Variants in FRMPD4 observed in about 807,000 individuals in gnomAD.
FRMPD4 encodes FERM and PDZ domain containing 4, also known as FERM and PDZ domain-containing protein 4.
A neutral mutation model predicts 94.1 loss-of-function variants in FRMPD4; 22 were observed. The ratio of observed to expected loss-of-function variants is 0.23; its 90% CI spans 0.17 to 0.33. The LOEUF (loss-of-function observed/expected upper bound fraction) is 0.33. Ranked by LOEUF, FRMPD4 falls within the 10% of genes least tolerant of loss-of-function variation. FRMPD4 has a pLI of 1.00. For missense variants in FRMPD4, 1,111 were observed against 1,339.9 expected (o/e 0.83, Z 2.67); for synonymous variants, 631 against 548.6 (o/e 1.15, Z -2.10).
intron 1 of FRMPD4, among the ~76,000 whole-genome samples, chrX:12,271,914 T>C (rs1385449908): frequency 1.8e-5 from 2 of 111,905 alleles, no homozygotes; most frequent in Admixed American, 1.9e-4. Flanking sequence ...CTCCCACTGA[T>C]ATAGATGTTA....
At chrX:12,225,737 A>T (rs2056915305) in intron 1 of FRMPD4, among the ~76,000 whole-genome samples, 1 of 112,170 alleles carries the variant, frequency 8.9e-6, no homozygotes, top group Non-Finnish European at 1.9e-5. Context: ...CCTGAAGGCA[A>T]TTGGCCAAGG....
intron 2 of FRMPD4, among the ~76,000 whole-genome samples, chrX:12,601,840 G>A (rs1006163111): frequency 2.7e-5 from 3 of 111,191 alleles, no homozygotes; most frequent in African/African-American, 9.8e-5. Flanking sequence ...GTGCCTTGCC[G>A]GGCATCCCAC....
chrX:12,152,646 C>T (rs770187202), intron 1 of FRMPD4, among the ~76,000 whole-genome samples: 1 of 110,596 alleles, frequency 9.0e-6, no homozygotes, highest in African/African-American at 3.3e-5. Context: ...ATGAATGAAA[C>T]ATAAGAGATA....
intron 1 of FRMPD4, among the ~76,000 whole-genome samples, chrX:12,193,773 AG>A (rs769234695): frequency 0.22 from 5,152 of 23,767 alleles, 947 homozygotes; most frequent in African/African-American, 0.33. Flanking sequence ...AAAGAAAGAA[AG>A]GAAGGAAGGA....
At chrX:12,008,007 A>G (rs1206111193) in intron 3 of FRMPD4, among the ~76,000 whole-genome samples, 1 of 111,914 alleles carries the variant, frequency 8.9e-6, no homozygotes, top group Non-Finnish European at 1.9e-5. Flanking sequence ...AAGAGGAAAC[A>G]GGAAATGGGC....
intron 1 of FRMPD4, among the ~76,000 whole-genome samples, chrX:12,193,969 C>T (rs1239883006): frequency 2.8e-5 from 3 of 108,507 alleles, no homozygotes; most frequent in Non-Finnish European, 5.7e-5. Context: ...TTGTACAGTA[C>T]CTGCCTGAAG....
intron 1 of FRMPD4, among the ~76,000 whole-genome samples, chrX:11,849,458 A>G (rs775648845): frequency 8.1e-5 from 9 of 111,454 alleles, no homozygotes; most frequent in African/African-American, 2.6e-4. Flanking sequence ...AGCCCAAATA[A>G]CCAAAACAGT....
chrX:12,227,824 G>GGAGA (rs750580451), intron 1 of FRMPD4, among the ~76,000 whole-genome samples: 2,141 of 94,558 alleles, frequency 0.023, 32 homozygotes, highest in Non-Finnish European at 0.037. Flanking sequence ...AGAAAGAGAG[G>GGAGA]GAGAGAGAGA....
intron 1 of FRMPD4, among the ~76,000 whole-genome samples, chrX:12,443,082 G>C (rs1225445113): frequency 1.8e-5 from 2 of 111,251 alleles, no homozygotes; most frequent in Non-Finnish European, 3.8e-5. Flanking sequence ...GCTGCAGGGA[G>C]GGGAGAATAG....
chrX:12,320,184 A>G (rs896181472), intron 1 of FRMPD4, among the ~76,000 whole-genome samples: 1 of 111,929 alleles, frequency 8.9e-6, no homozygotes, highest in African/African-American at 3.3e-5. Flanking sequence ...ATCCTATAAA[A>G]TGACTTTTGA....
chrX:11,831,513 T>C (rs975462952), intron 1 of FRMPD4, among the ~76,000 whole-genome samples: 14 of 112,055 alleles, frequency 1.2e-4, no homozygotes, highest in Non-Finnish European at 2.4e-4. Context: ...TTAGTATCTG[T>C]GACCTAGTTA....
chrX:12,185,388 A>C (rs1305231985), intron 1 of FRMPD4, among the ~76,000 whole-genome samples: 2 of 111,522 alleles, frequency 1.8e-5, no homozygotes, highest in African/African-American at 3.3e-5. Context: ...CCGCACCCAC[A>C]GAATCAGAAT....
intron 1 of FRMPD4, among the ~76,000 whole-genome samples, chrX:12,229,046 A>G (rs2056954892): frequency 1.8e-5 from 2 of 112,340 alleles, no homozygotes; most frequent in Admixed American, 1.9e-4. Flanking sequence ...TTTATACGTG[A>G]AAGCTTCTCC....
At chrX:12,030,100 G>T (rs2054682904) in intron 3 of FRMPD4, among the ~76,000 whole-genome samples, 1 of 111,901 alleles carries the variant, frequency 8.9e-6, no homozygotes, top group South Asian at 3.7e-4. Context: ...TTATGCTATT[G>T]TGGTAACGCT....
intron 1 of FRMPD4, among the ~76,000 whole-genome samples, chrX:12,373,961 T>C (rs2056197615): frequency 8.9e-6 from 1 of 112,022 alleles, no homozygotes; most frequent in South Asian, 3.7e-4. Context: ...GTTGCAGAAG[T>C]AGCTTGACCT....
chrX:12,529,099 G>A (rs890666303), intron 2 of FRMPD4, among the ~76,000 whole-genome samples: 4 of 112,655 alleles, frequency 3.6e-5, no homozygotes, highest in Admixed American at 1.9e-4. Flanking sequence ...TCACAAGGCT[G>A]CAATCAAAGG....
intron 1 of FRMPD4, among the ~76,000 whole-genome samples, chrX:12,204,452 A>G (rs1368757334): frequency 9.0e-6 from 1 of 111,374 alleles, no homozygotes; most frequent in African/African-American, 3.3e-5. Flanking sequence ...CTGTCCTCTG[A>G]GGTACGCTGC....
At chrX:12,632,063 T>C (rs1248815600) in intron 4 of FRMPD4, among the ~76,000 whole-genome samples, 2 of 111,838 alleles carry the variant, frequency 1.8e-5, no homozygotes, top group Admixed American at 1.9e-4. Flanking sequence ...TGTGGAGTTA[T>C]ATTTATGCAT....
intron 1 of FRMPD4, among the ~76,000 whole-genome samples, chrX:12,393,841 A>T (rs746766684): frequency 2.7e-5 from 3 of 112,208 alleles, no homozygotes; most frequent in Non-Finnish European, 5.6e-5. Flanking sequence ...ATCTACTCAG[A>T]TGCATTTTTA....
Sources: allele counts gnomAD v4.1 joint callset (sites outside exome capture counted in the v4.1 genomes callset), GRCh38; gene constraint gnomAD v4.1.1; transcripts MANE v1.5; gene names NCBI Gene and HGNC (gene_info 2026-07-23, HGNC 2026-07-21).